Variants in TIAM1 observed in about 807,000 individuals in gnomAD.
TIAM1 encodes TIAM Rac1 associated GEF 1.
Under a neutral mutation model 163.5 loss-of-function variants are expected in TIAM1, and 65 were observed. That is an observed-to-expected ratio of 0.40 (90% CI 0.33 to 0.49). The LOEUF (loss-of-function observed/expected upper bound fraction) is 0.49. TIAM1 is among the 20% of genes least tolerant of loss of function. The pLI, the probability that TIAM1 is intolerant of heterozygous loss-of-function variation, is 0.77. For synonymous variants in TIAM1, 833 were observed against 810.1 expected, an observed-to-expected ratio of 1.03 and a Z score of -0.48; for missense variants, 1,789 against 2,044.7, an observed-to-expected ratio of 0.87 and a Z score of 2.41.
At chr21:31,425,861 T>C (rs941754015) in intron 2 of TIAM1, among the ~76,000 whole-genome samples, 1 of 151,916 alleles carries the variant, frequency 6.6e-6, no homozygotes, top group Non-Finnish European at 1.5e-5. Context: ...CACACCCACC[T>C]AATTTTTTGT....
chr21:31,318,226 T>G (rs2031931336), intron 2 of TIAM1, among the ~76,000 whole-genome samples: 1 of 152,152 alleles, frequency 6.6e-6, no homozygotes, highest in South Asian at 2.1e-4. Flanking sequence ...GGTTCCTGAG[T>G]AGCTGGGACC....
At chr21:31,485,947 G>C (rs2046258014) in intron 1 of TIAM1, among the ~76,000 whole-genome samples, 1 of 152,156 alleles carries the variant, frequency 6.6e-6, no homozygotes, top group African/African-American at 2.4e-5. Context: ...TCTACGCCCT[G>C]CCTAACCACA....
intron 2 of TIAM1, among the ~76,000 whole-genome samples, chr21:31,365,323 C>T (rs2076480846): frequency 6.6e-6 from 1 of 151,956 alleles, no homozygotes; most frequent in South Asian, 2.1e-4. Context: ...GCTGATGTTT[C>T]CGTCTTGTCC....
intron 1 of TIAM1, among the ~76,000 whole-genome samples, chr21:31,478,864 G>A (rs191114096): frequency 5.3e-4 from 80 of 152,262 alleles, no homozygotes; most frequent in African/African-American, 1.8e-3. Flanking sequence ...GCTTAAGTTG[G>A]AATCCTAAAG....
At chr21:31,523,093 T>G (rs1333371130) in intron 1 of TIAM1, among the ~76,000 whole-genome samples, 1 of 152,230 alleles carries the variant, frequency 6.6e-6, no homozygotes, top group Non-Finnish European at 1.5e-5. Context: ...AAGCAATATT[T>G]CTCTTTGCAA....
chr21:31,235,763 C>T (rs1041922790), intron 6 of TIAM1, among the ~76,000 whole-genome samples: 4 of 152,190 alleles, frequency 2.6e-5, no homozygotes, highest in African/African-American at 9.7e-5. Flanking sequence ...ACATAATTTG[C>T]ATGATACATA....
In TIAM1 at chr21:31,343,854, G is replaced by A. The variant is rs143153048; in HGVS notation, c.-369+284C>T. On this transcript the variant is annotated intron_variant, in intron 1 of 27. Coordinates refer to ENST00000541036, the MANE Select transcript of TIAM1 (RefSeq NM_001353694.2). ...ACAGAAGTCAAGGGGGAAAGATGAC[G>A]CTTTCAAAGCCCGAATCTCTTTACC... Among the ~76,000 whole-genome samples the A allele has an allele frequency of 1.3e-4, 20 of 152,260 alleles. No homozygotes were observed. In the East Asian group the frequency reaches 3.9e-3, roughly 29 times the overall value.
At chr21:31,142,682 C>G (rs1388690107) in intron 20 of TIAM1, among the ~76,000 whole-genome samples, 1 of 151,232 alleles carries the variant, frequency 6.6e-6, no homozygotes, top group Non-Finnish European at 1.5e-5. Context: ...AAAAAAAAGG[C>G]AAGCAGATGC....
intron 13 of TIAM1, among the ~76,000 whole-genome samples, chr21:31,192,560 G>T (rs1265678464): frequency 2.0e-5 from 3 of 152,024 alleles, no homozygotes; most frequent in Non-Finnish European, 4.4e-5. Flanking sequence ...GGAGTGAGCT[G>T]AGATCGCGCC....
chr21:31,251,483 C>T (rs1221673355), intron 5 of TIAM1, among the ~76,000 whole-genome samples: 1 of 152,180 alleles, frequency 6.6e-6, no homozygotes, highest in African/African-American at 2.4e-5. Flanking sequence ...CTACTATGCC[C>T]AGCCCAGATG....
At position 31,378,523 on chromosome 21, in the gene TIAM1, A is replaced by G. The variant is rs189447781; in HGVS notation, c.-368-39101T>C. Reference sequence around the variant, plus strand: ...GATTCACTAATTAACTTTCTTTGGTACGTTCCAGCCTGCTTCAAATCCGCA... The same window carrying G: ...GATTCACTAATTAACTTTCTTTGGTGCGTTCCAGCCTGCTTCAAATCCGCA... On this transcript the variant is annotated intron_variant, in intron 2 of 28. Coordinates refer to the TIAM1 transcript ENST00000286827. 3.3e-5 allele frequency among the ~76,000 whole-genome samples: 5 copies of G among 152,346 alleles called. No homozygotes were observed. In the East Asian group the frequency reaches 9.6e-4, roughly 29 times the overall value.
At chr21:31,143,750 C>T (rs893607251) in intron 20 of TIAM1, among the ~76,000 whole-genome samples, 30 of 148,934 alleles carry the variant, frequency 2.0e-4, no homozygotes, top group South Asian at 6.3e-4. Flanking sequence ...TTTTCTGAGA[C>T]GGAGTCTCGA....
At chr21:31,416,383 C>A (rs2043373252) in intron 2 of TIAM1, among the ~76,000 whole-genome samples, 1 of 152,114 alleles carries the variant, frequency 6.6e-6, no homozygotes, top group African/African-American at 2.4e-5. Context: ...TGGATAAGTT[C>A]TTCAGTGTTG....
intron 9 of TIAM1, among the ~76,000 whole-genome samples, chr21:31,213,862 T>A (rs2087017290): frequency 9.3e-6 from 1 of 107,282 alleles, no homozygotes. Context: ...AGACCTCATC[T>A]CTACAAAAAA....
At chr21:31,359,714 G>A (rs1294643937) in intron 2 of TIAM1, among the ~76,000 whole-genome samples, 3 of 150,920 alleles carry the variant, frequency 2.0e-5, no homozygotes, top group Admixed American at 6.6e-5. Context: ...GCTTGAACCC[G>A]GGAGGCAGAG....
intron 11 of TIAM1, among the ~76,000 whole-genome samples, chr21:31,207,354 G>T (rs2086504568): frequency 6.6e-6 from 1 of 152,154 alleles, no homozygotes; most frequent in South Asian, 2.1e-4. Flanking sequence ...GATAGAATAG[G>T]AAAGAGAATG....
At chr21:31,242,962 G>A (rs1347748633) in intron 6 of TIAM1, among the ~76,000 whole-genome samples, 2 of 150,794 alleles carry the variant, frequency 1.3e-5, no homozygotes, top group Non-Finnish European at 3.0e-5. Context: ...CAAGGCAGGT[G>A]GATTACCTGA....
chr21:31,506,971 T>C (rs964190397), intron 1 of TIAM1, among the ~76,000 whole-genome samples: 2 of 152,246 alleles, frequency 1.3e-5, no homozygotes, highest in Non-Finnish European at 2.9e-5. Flanking sequence ...CCACTGTACG[T>C]ATACACATTT....
chr21:31,456,715 A>G (rs2045116618), intron 2 of TIAM1, among the ~76,000 whole-genome samples: 1 of 152,158 alleles, frequency 6.6e-6, no homozygotes, highest in Admixed American at 6.5e-5. Flanking sequence ...CTCCCCCAAC[A>G]CTGGCTTATT....
Sources: allele counts gnomAD v4.1 joint callset (sites outside exome capture counted in the v4.1 genomes callset), GRCh38; gene constraint gnomAD v4.1.1; transcripts MANE v1.5; gene names NCBI Gene and HGNC (gene_info 2026-07-23, HGNC 2026-07-21).